Variants in GSTA2 observed in about 807,000 individuals in gnomAD.
GSTA2 encodes the protein glutathione S-transferase alpha 2.
A neutral mutation model predicts 22.4 loss-of-function variants in GSTA2; 27 were observed. The observed-to-expected ratio is 1.21, with a 90% CI of 0.89 to 1.67. The LOEUF is 1.67. GSTA2 is among the 40% of genes most tolerant of loss of function. The pLI is 0.00. For missense variants in GSTA2, 302 were observed against 260.2 expected (o/e 1.16, Z -1.11); for synonymous variants, 121 against 86.8 (o/e 1.39, Z -2.19).
intron 4 of GSTA2, among the ~76,000 whole-genome samples, chr6:52,753,424 A>G (rs1037278364): frequency 4.6e-5 from 7 of 152,138 alleles, no homozygotes; most frequent in Admixed American, 4.6e-4. Context: ...AAGTAATCCT[A>G]AGAGAGTCCC....
At chr6:52,753,284 A>G (rs1032943387) in intron 4 of GSTA2, among the ~76,000 whole-genome samples, 3 of 152,202 alleles carry the variant, frequency 2.0e-5, no homozygotes, top group African/African-American at 7.2e-5. Context: ...ATCGGTGGTC[A>G]CAGTCATGAG....
chr6:52,762,961 T>A (rs541936437), intron 1 of GSTA2, among the ~76,000 whole-genome samples: 1 of 152,342 alleles, frequency 6.6e-6, no homozygotes, highest in Non-Finnish European at 1.5e-5. Flanking sequence ...AGCTAATTAG[T>A]GGCAGAGGCT....
chr6:52,758,952 C>T (rs745621586), intron 1 of GSTA2, among the ~76,000 whole-genome samples: 43 of 152,258 alleles, frequency 2.8e-4, no homozygotes, highest in Middle Eastern at 6.8e-3. Context: ...TTTAAAGTAA[C>T]TTGCTCAGAG....
Position 52,750,673 on chromosome 6 carries a change from C to A in GSTA2, c.573G>T (p.Leu191=). 6.2e-7 allele frequency: 1 copy of A among 1,613,090 alleles called. No homozygotes were observed. The highest frequency in any genetic ancestry group is 8.5e-7 in the Non-Finnish European group (1 of 1,179,810). The change falls in exon 7 of 7, where the codon CTG becomes CTT. Residue 191 remains leucine (L), a synonymous_variant. Coordinates refer to ENST00000493422, the MANE Select transcript of GSTA2 (RefSeq NM_000846.5). ...GCTGTAGAAACTTCTTCACTGTGGG[C>A]AGGTTACTGATTCTGGTTTTCAGGG... ...LKALKTRISN[L]PTVKKFLQPG...
In GSTA2 at chr6:52,757,864, T is replaced by C. The variant is rs113239409; in HGVS notation, c.84A>G (p.Val28=). 326 of 1,612,624 alleles carry C rather than the reference T, an allele frequency of 2.0e-4. 3 individuals carry two copies. In the African/African-American group the frequency reaches 2.5e-3, roughly 12 times the overall value. Residue 28 remains valine, a synonymous_variant, in exon 2 of 7, where the codon GTA becomes GTG. Coordinates refer to ENST00000493422, the MANE Select transcript of GSTA2 (RefSeq NM_000846.5). ...SIRWLLAAAG[V]EFEEKFIKSA... ...GATGACCTAACTCAGAACCTACCTC[T>C]ACTCCAGCTGCAGCCAGGAGCCACC...
chr6:52,759,647 C>T (rs953235173), intron 1 of GSTA2, among the ~76,000 whole-genome samples: 13 of 123,248 alleles, frequency 1.1e-4, no homozygotes, highest in African/African-American at 1.8e-4. Context: ...TGCAATGGCG[C>T]GATCTTGGCT....
rs572409625 is a variant in GSTA2, at chr6:52,758,147, C to A, written c.-30-170G>T. On this transcript the variant is annotated intron_variant, in intron 1 of 6. Transcript: ENST00000493422. ...TTTCTTGGCTCAAATTATTACCCAG[C>A]AGTGGCCACCCTCAGATTCCAGCAA... Among the ~76,000 whole-genome samples, 19 of 152,294 alleles carry A rather than the reference C, an allele frequency of 1.2e-4. 1 individual carries two copies. Among genetic ancestry groups the A allele is most frequent in the Non-Finnish European group, 2.5e-4 (17 of 68,014 alleles).
chr6:52,754,140 T>A (rs1260768725), intron 4 of GSTA2, among the ~76,000 whole-genome samples: 1 of 152,256 alleles, frequency 6.6e-6, no homozygotes, highest in African/African-American at 2.4e-5. Context: ...GATATTTGGG[T>A]TGTTTCCACT....
chr6:52,763,284 T>A (rs188845452), intron 1 of GSTA2, among the ~76,000 whole-genome samples, 160 bp downstream of exon 1: 1 of 152,200 alleles, frequency 6.6e-6, no homozygotes, highest in Admixed American at 6.5e-5. Context: ...AGAAAAGAAA[T>A]AAACAGTTCT....
intron 1 of GSTA2, among the ~76,000 whole-genome samples, chr6:52,760,359 A>G (rs1762931379): frequency 2.0e-5 from 3 of 152,210 alleles, no homozygotes; most frequent in Non-Finnish European, 4.4e-5. Context: ...GGGTCAGGCT[A>G]AGACTGAGAC....
chr6:52,758,030 A>G (rs1762881568), intron 1 of GSTA2, 53 bp from the exon 2 acceptor site: 1 of 1,094,710 alleles, frequency 9.1e-7, no homozygotes, highest in Admixed American at 1.9e-5. Context: ...AGAATCAAAA[A>G]TGTACTTTAG....
chr6:52,755,397 A>T (rs569763364), intron 3 of GSTA2, among the ~76,000 whole-genome samples: 2 of 152,158 alleles, frequency 1.3e-5, no homozygotes, highest in African/African-American at 4.8e-5. Context: ...TATTTTTAGA[A>T]GAGATGGTGT....
At position 52,752,920 on chromosome 6, in the gene GSTA2, T is replaced by C. The variant is rs1762770551; in HGVS notation, c.348A>G (p.Glu116=). 5 of 1,614,102 alleles carry C rather than the reference T, an allele frequency of 3.1e-6. No homozygotes were observed. The highest frequency in any genetic ancestry group is 4.2e-6 in the Non-Finnish European group (5 of 1,179,942). Residue 116 remains glutamate (E), a synonymous_variant, in exon 5 of 7, where the codon GAA becomes GAG. Coordinates refer to ENST00000493422, the MANE Select transcript of GSTA2 (RefSeq NM_000846.5). Reference sequence around the variant, plus strand: ...GGATCAAGGCAAGCTTGGCATCTTGTTCCTCAGGTTGACTAAAGGGCAGAA... The same window carrying C: ...GGATCAAGGCAAGCTTGGCATCTTGCTCCTCAGGTTGACTAAAGGGCAGAA... ...ILLLPFSQPE[E]QDAKLALIQE... is the part of the protein sequence containing the mutation.
At chr6:52,751,762 C>T (rs200693029) in intron 5 of GSTA2, 54 bp from the exon 6 acceptor site, 14 of 1,613,330 alleles carry the variant, frequency 8.7e-6, no homozygotes, top group African/African-American at 6.7e-5. Context: ...GGCTGGGACC[C>T]CTGCTTCTTT....
intron 1 of GSTA2, among the ~76,000 whole-genome samples, chr6:52,760,710 A>T (rs1305056025): frequency 1.3e-5 from 2 of 152,188 alleles, no homozygotes; most frequent in African/African-American, 4.8e-5. Flanking sequence ...TTCAATGTAT[A>T]TTAGCCAAAT....
At chr6:52,762,686 T>C (rs2749015) in intron 1 of GSTA2, among the ~76,000 whole-genome samples, 3,829 of 152,296 alleles carry the variant, frequency 0.025, 146 homozygotes, top group African/African-American at 0.085. Context: ...CCCGGTCCCC[T>C]GGACCCACTT....
intron 1 of GSTA2, among the ~76,000 whole-genome samples, chr6:52,759,455 C>T (rs1262996075): frequency 6.6e-6 from 1 of 151,672 alleles, no homozygotes; most frequent in Non-Finnish European, 1.5e-5. Flanking sequence ...GTTTTATCAC[C>T]AAACCCCCAG....
chr6:52,756,306 C>T lies in GSTA2; in HGVS notation c.91G>A (p.Glu31Lys). 1 of 1,600,534 alleles carries T rather than the reference C, an allele frequency of 6.2e-7. No individual in the cohort carries two copies. The highest frequency in any genetic ancestry group is 8.6e-7 in the Non-Finnish European group (1 of 1,168,096). Residue 31 changes from glutamate to lysine, a missense_variant, in exon 3 of 7, where the codon GAA becomes AAA. Transcript: ENST00000493422. ...TCTGCAGATTTTATAAATTTCTCTT[C>T]AAACTGGAAGCAGAAACAGTAAATA... Reference protein sequence around the residue: ...WLLAAAGVEFEEKFIKSAEDL... With the variant: ...WLLAAAGVEFKEKFIKSAEDL...
rs1230334307 is a variant in GSTA2 at position 52,753,004 on chromosome 6, C to T, written c.273-9G>A. ...CTATATACATATCAATCCTGAAAGA[C>T]AAAAACAACCAAATGGTCAAATATC... On this transcript the variant is annotated splice_polypyrimidine_tract_variant and intron_variant, in intron 4 of 6. Coordinates refer to ENST00000493422, the MANE Select transcript of GSTA2 (RefSeq NM_000846.5). 2 of 1,580,126 alleles carry T rather than the reference C, an allele frequency of 1.3e-6. No homozygotes were observed. The highest frequency in any genetic ancestry group is 1.7e-6 in the Non-Finnish European group (2 of 1,164,250).
Sources: allele counts gnomAD v4.1 joint callset (sites outside exome capture counted in the v4.1 genomes callset), GRCh38; gene constraint gnomAD v4.1.1; transcripts MANE v1.5; gene names NCBI Gene and HGNC (gene_info 2026-07-23, HGNC 2026-07-21).